BNIP3L: variants seen among roughly 807,000 people sequenced by gnomAD.
BNIP3L encodes BCL2/adenovirus E1B 19 kDa protein-interacting protein 3-like.
A neutral mutation model predicts 25.5 loss-of-function variants in BNIP3L; 10 were observed. The ratio of observed to expected loss-of-function variants is 0.39; its 90% confidence interval spans 0.24 to 0.67. BNIP3L has a LOEUF of 0.67. BNIP3L is among the 30% of genes least tolerant of loss of function. BNIP3L has a pLI of 0.45. For synonymous variants in BNIP3L, 113 were observed against 101.2 expected (o/e 1.12, Z -0.70); for missense variants, 215 against 270.9 (o/e 0.79, Z 1.45).
intron 1 of BNIP3L, among the ~76,000 whole-genome samples, chr8:26,388,365 G>A (rs909574057): frequency 3.9e-5 from 6 of 152,284 alleles, no homozygotes; most frequent in African/African-American, 1.2e-4. Flanking sequence ...TTTTATAGAT[G>A]AGAAAACTGA....
chr8:26,394,462 A>G (rs1288606350), intron 2 of BNIP3L, among the ~76,000 whole-genome samples: 2 of 152,206 alleles, frequency 1.3e-5, no homozygotes, highest in African/African-American at 4.8e-5. Flanking sequence ...ATATTTTGAT[A>G]TTTACTATAT....
chr8:26,387,186 C>A (rs1806010873), intron 1 of BNIP3L, among the ~76,000 whole-genome samples: 1 of 152,176 alleles, frequency 6.6e-6, no homozygotes, highest in African/African-American at 2.4e-5. Flanking sequence ...CAACATACGG[C>A]AATGAGTATA....
At chr8:26,393,672 C>T (rs953294100) in intron 2 of BNIP3L, among the ~76,000 whole-genome samples, 2 of 152,010 alleles carry the variant, frequency 1.3e-5, no homozygotes, top group African/African-American at 4.8e-5. Flanking sequence ...ACTGCCTTGA[C>T]CTGGTCACGG....
In BNIP3L at chr8:26,383,237, G is replaced by A. The variant is rs755413722; in HGVS notation, c.100+7G>A. 6.2e-7 allele frequency: 1 copy of A among 1,603,648 alleles called. No homozygotes were observed. ...CCGCCGGCCGGCCTCAACAGTGAGTGCGGGGCCGAGGCTCTGTGAAGGGGA... is the reference window on the plus strand; with the variant it reads ...CCGCCGGCCGGCCTCAACAGTGAGTACGGGGCCGAGGCTCTGTGAAGGGGA... On this transcript the variant is annotated splice_region_variant and intron_variant, in intron 1 of 5. Coordinates refer to ENST00000380629, the MANE Select transcript of BNIP3L (RefSeq NM_004331.3).
intron 1 of BNIP3L, chr8:26,383,502 G>A: frequency 8.8e-7 from 1 of 1,130,112 alleles, no homozygotes; most frequent in Non-Finnish European, 1.1e-6. Context: ...CCCTGGTGCG[G>A]GGGGTGGTCC....
chr8:26,407,986 A>G lies in BNIP3L; in HGVS notation c.358-14A>G, dbSNP rs1563343616. On this transcript the variant is annotated splice_polypyrimidine_tract_variant and intron_variant, in intron 3 of 5. Transcript: ENST00000380629. ...TCTTCCTTTTTTTCTTAAAGTTTGA[A>G]TTCTTCTTTACAGTCAGAAGAAGAA... The G allele has an allele frequency of 6.2e-7, 1 of 1,610,150 alleles. No homozygotes were observed. The highest frequency in any genetic ancestry group is 8.5e-7 in the Non-Finnish European group (1 of 1,176,608).
intron 1 of BNIP3L, among the ~76,000 whole-genome samples, chr8:26,389,735 T>C (rs1001743730): frequency 6.6e-6 from 1 of 152,246 alleles, no homozygotes; most frequent in East Asian, 1.9e-4. Flanking sequence ...ATGAGGAAGC[T>C]GAAGCTCAGG....
In BNIP3L at chr8:26,383,244, C is replaced by G. The variant is rs201404144; in HGVS notation, c.100+14C>G. 6.2e-7 allele frequency: 1 copy of G among 1,600,358 alleles called. No individual in the cohort carries two copies. The highest frequency in any genetic ancestry group is 2.3e-5 in the East Asian group (1 of 44,384). ...CCGGCCTCAACAGTGAGTGCGGGGC[C>G]GAGGCTCTGTGAAGGGGATGGGGGA... is the stretch of plus-strand genomic sequence containing the variant. On this transcript the variant is annotated intron_variant, in intron 1 of 5. Transcript: ENST00000380629.
intron 2 of BNIP3L, among the ~76,000 whole-genome samples, chr8:26,394,736 T>C (rs1299698291): frequency 6.6e-6 from 1 of 152,164 alleles, no homozygotes; most frequent in Non-Finnish European, 1.5e-5. Context: ...AGAATGAGAA[T>C]GAAAAAGGCA....
chr8:26,383,407 C>A, intron 1 of BNIP3L, 177 bp downstream of exon 1: 1 of 1,434,386 alleles, frequency 7.0e-7, no homozygotes, highest in South Asian at 1.5e-5. Context: ...CTGCCTTGCT[C>A]CGGGCCTCTC....
Position 26,383,493 on chromosome 8 carries a change from C to T in BNIP3L, c.100+263C>T, listed in dbSNP as rs1298428842. On this transcript the variant is annotated intron_variant, in intron 1 of 5. Transcript: ENST00000380629. ...GAGCGGCGCGGGTAGCGCGGATCCC[C>T]CTGGTGCGGGGGGTGGTCCCCAGCA... 1.1e-5 allele frequency: 13 copies of T among 1,138,642 alleles called. No homozygotes were observed. In the South Asian group the frequency reaches 1.1e-4, roughly 10 times the overall value. 70.5% of individuals were successfully genotyped at this position (1,138,642 alleles called of 1,614,324 possible).
rs547780677 is a variant in BNIP3L, at chr8:26,401,410, C to T, written c.357+6108C>T. Among the ~76,000 whole-genome samples the T allele has an allele frequency of 3.2e-4, 48 of 150,536 alleles. 1 individual carries two copies. In the South Asian group the frequency reaches 3.6e-3, roughly 11 times the overall value. On this transcript the variant is annotated intron_variant, in intron 3 of 5. Transcript: ENST00000380629. ...GAAGGGGAATATCACACTCTGGGGA[C>T]TGTGGTGGGGAGCGGGGAGGGGGGA...
chr8:26,406,987 AT>A lies in BNIP3L; in HGVS notation c.358-1002del, dbSNP rs112808903. Reference sequence around the variant, plus strand: ...TTCCTTTTATTTTTTTAATTATGAAATTTTTTTTTTTCTTTTTTTTGTTGAG... The same window carrying A: ...TTCCTTTTATTTTTTTAATTATGAAATTTTTTTTTTCTTTTTTTTGTTGAG... On this transcript the variant is annotated intron_variant, in intron 3 of 5. Transcript: ENST00000380629. Among the ~76,000 whole-genome samples the A allele has an allele frequency of 4.6e-3, 660 of 143,058 alleles. 6 individuals carry two copies. Among genetic ancestry groups the A allele is most frequent in the African/African-American group, 0.01 (402 of 38,768 alleles). The allele number at this position is 143,058 out of a possible 152,430, so 93.9% of individuals were successfully genotyped here. A position where few individuals can be genotyped will look rare whatever the true frequency, so the allele number is the denominator to read the frequency against.
chr8:26,384,316 A>T (rs1805937283), intron 1 of BNIP3L, among the ~76,000 whole-genome samples: 2 of 152,258 alleles, frequency 1.3e-5, no homozygotes, highest in Middle Eastern at 3.4e-3. Context: ...CCTGAAGATT[A>T]TTTTAGGGAA....
chr8:26,387,774 T>C (rs1182020158), intron 1 of BNIP3L, among the ~76,000 whole-genome samples: 2 of 152,220 alleles, frequency 1.3e-5, no homozygotes, highest in Admixed American at 1.3e-4. Flanking sequence ...ATCTACACTT[T>C]TAAGGCTGTT....
rs1025864505 is a variant in BNIP3L, at chr8:26,383,974, A to G, written c.100+744A>G. On this transcript the variant is annotated intron_variant, in intron 1 of 5. Coordinates refer to ENST00000380629, the MANE Select transcript of BNIP3L (RefSeq NM_004331.3). ...CCTCCTGAACCACCCAAGATTGCAC[A>G]CGTCAGGGAGTCTGGGGCCATGCAT... is the stretch of plus-strand genomic sequence containing the variant. Among the ~76,000 whole-genome samples, 15 of 151,810 alleles carry G rather than the reference A, an allele frequency of 9.9e-5. No homozygotes were observed. In the East Asian group the frequency reaches 2.3e-3, roughly 24 times the overall value.
chr8:26,408,503 C>A, intron 5 of BNIP3L, 127 bp downstream of exon 5: 2 of 1,151,076 alleles, frequency 1.7e-6, no homozygotes, highest in Non-Finnish European at 2.5e-6. Flanking sequence ...ATAAGGTGAA[C>A]TTAAAAAAGT....
intron 3 of BNIP3L, among the ~76,000 whole-genome samples, chr8:26,407,580 A>C (rs1806529191): frequency 6.6e-6 from 1 of 151,940 alleles, no homozygotes; most frequent in South Asian, 2.1e-4. Context: ...CGCCTGCCTC[A>C]GCCTCCCAAA....
chr8:26,387,872 G>C (rs1448555572), intron 1 of BNIP3L, among the ~76,000 whole-genome samples: 1 of 152,178 alleles, frequency 6.6e-6, no homozygotes, highest in East Asian at 1.9e-4. Context: ...CTCAGTAGTA[G>C]TTAACCATTG....
Sources: gnomAD v4.1 joint callset for allele counts (sites outside exome capture counted in the v4.1 genomes callset) on GRCh38, gnomAD v4.1.1 for gene constraint, MANE v1.5 for transcripts, NCBI Gene and HGNC (gene_info 2026-07-23, HGNC 2026-07-21) for gene names.